Variants in HIVEP2 observed in about 807,000 individuals in gnomAD.
The protein encoded by HIVEP2 is transcription factor HIVEP2.
In HIVEP2, 14 loss-of-function variants were observed where a neutral mutation model predicts 180.7. The ratio of observed to expected loss-of-function variants is 0.08; its 90% CI spans 0.05 to 0.12. HIVEP2 has a LOEUF of 0.12. Among genes scored for constraint, HIVEP2 ranks in the 10% least tolerant of loss-of-function variants. The probability of loss-of-function intolerance (pLI) is 1.00; values close to 1 mark genes in which losing one functional copy is unlikely to be tolerated. For synonymous variants in HIVEP2, 1,184 were observed against 1,136.4 expected, an observed-to-expected ratio of 1.04 and a Z score of -0.84; for missense variants, 2,579 against 3,008.5, an observed-to-expected ratio of 0.86 and a Z score of 3.34.
intron 1 of HIVEP2, among the ~76,000 whole-genome samples, chr6:142,858,784 G>T (rs1582918543): frequency 1.3e-5 from 2 of 151,950 alleles, no homozygotes; most frequent in African/African-American, 4.8e-5. Context: ...AGTAGACACG[G>T]GGTTTCACCA....
intron 1 of HIVEP2, among the ~76,000 whole-genome samples, chr6:142,911,163 T>G (rs1040351546): frequency 3.4e-5 from 4 of 117,018 alleles, no homozygotes; most frequent in African/African-American, 1.4e-4. Flanking sequence ...AAAAAAAACT[T>G]AAAAATAAGC....
chr6:142,890,322 T>C (rs1250896326), intron 1 of HIVEP2, among the ~76,000 whole-genome samples: 1 of 152,222 alleles, frequency 6.6e-6, no homozygotes, highest in Non-Finnish European at 1.5e-5. Flanking sequence ...TCCAAAACTT[T>C]GTATCTTTAC....
At chr6:142,781,671 T>C (rs914172978) in intron 3 of HIVEP2, among the ~76,000 whole-genome samples, 5 of 152,156 alleles carry the variant, frequency 3.3e-5, no homozygotes, top group Non-Finnish European at 7.4e-5. Context: ...GAAAATGATA[T>C]TACAGGGAAG....
intron 1 of HIVEP2, among the ~76,000 whole-genome samples, chr6:142,890,191 A>G (rs1562280438): frequency 6.6e-6 from 1 of 152,214 alleles, no homozygotes; most frequent in Non-Finnish European, 1.5e-5. Flanking sequence ...ATTAGCTCTA[A>G]CACTAGTAGA....
chr6:142,879,411 G>A (rs370205988), intron 1 of HIVEP2, among the ~76,000 whole-genome samples: 24 of 152,098 alleles, frequency 1.6e-4, no homozygotes, highest in Non-Finnish European at 3.1e-4. Flanking sequence ...TGAGCACAGC[G>A]TCAATAATAA....
chr6:142,852,400 T>A (rs1333515187), intron 1 of HIVEP2, among the ~76,000 whole-genome samples: 1 of 152,188 alleles, frequency 6.6e-6, no homozygotes, highest in African/African-American at 2.4e-5. Flanking sequence ...ATGATTCTTG[T>A]CTTCATGGAG....
rs73586514 is a variant in HIVEP2, at chr6:142,765,499, G to C, written c.5343-525C>G. 1.8e-3 allele frequency among the ~76,000 whole-genome samples: 272 copies of C among 152,286 alleles called. 2 individuals are homozygous for C. Among genetic ancestry groups the C allele is most frequent in the African/African-American group, 6.3e-3 (261 of 41,566 alleles). On this transcript the variant is annotated intron_variant, in intron 6 of 9. Transcript: ENST00000367603. ...CTATTTTTACAATCCTGGCACGAGA[G>C]TGCCTCAGAAATTTCTAGTTTACAC... is the stretch of plus-strand genomic sequence containing the variant.
chr6:142,866,347 T>A (rs1214450495), intron 1 of HIVEP2, among the ~76,000 whole-genome samples: 2 of 152,208 alleles, frequency 1.3e-5, no homozygotes, highest in African/African-American at 4.8e-5. Context: ...CAATAGATGT[T>A]AGCTACTAAT....
intron 1 of HIVEP2, among the ~76,000 whole-genome samples, chr6:142,913,132 C>A (rs961449252): frequency 6.6e-6 from 1 of 152,150 alleles, no homozygotes; most frequent in Non-Finnish European, 1.5e-5. Flanking sequence ...TCATGGTGAC[C>A]TATGGGAACC....
At chr6:142,866,588 A>G (rs1369693189) in intron 1 of HIVEP2, among the ~76,000 whole-genome samples, 5 of 152,158 alleles carry the variant, frequency 3.3e-5, no homozygotes, top group Non-Finnish European at 7.4e-5. Context: ...AAGTTTCTAT[A>G]CCATGAGCAT....
At position 142,772,372 on chromosome 6, in the gene HIVEP2, T is replaced by C. The variant is rs201358604; in HGVS notation, c.2367A>G (p.Leu789=). ...SAIDSDKMSD[L]GGRKPPGNVI... ...CATTTCCAGGAGGTTTCCTGCCCCC[T>C]AGGTCTGACATCTTGTCTGAATCAA... is the stretch of plus-strand genomic sequence containing the variant. Residue 789 remains leucine, a synonymous_variant, in exon 5 of 10, where the codon CTA becomes CTG. Transcript: ENST00000367603. The surrounding 1 kb of genome is among the most constrained non-coding windows in gnomAD (Gnocchi z 4.9). The C allele has an allele frequency of 1.3e-4, 203 of 1,614,238 alleles. 1 individual carries two copies. In the African/African-American group the frequency reaches 2.3e-3, roughly 18 times the overall value.
At chr6:142,802,746 G>T (rs1178517550) in intron 2 of HIVEP2, among the ~76,000 whole-genome samples, 1 of 152,050 alleles carries the variant, frequency 6.6e-6, no homozygotes, top group South Asian at 2.1e-4. Context: ...GGAGAGAAGA[G>T]AATCATGAAC....
chr6:142,763,109 T>A (rs1386496705), intron 7 of HIVEP2, among the ~76,000 whole-genome samples: 3 of 152,194 alleles, frequency 2.0e-5, no homozygotes, highest in African/African-American at 7.2e-5. Flanking sequence ...TACATTTTTC[T>A]CTCCATTCCA....
In HIVEP2 at chr6:142,752,988, A is replaced by G. The variant is rs1199472223; in HGVS notation, c.*119T>C. On this transcript the variant is annotated 3_prime_UTR_variant, in exon 10 of 10. Transcript: ENST00000367603. The stretch of plus-strand genomic sequence containing the variant: ...CTTTTGATATAACAAAAGTATATAT[A>G]ATAGCAAACTACTGTAACTTAGGAC... The G allele has an allele frequency of 1.5e-6, 1 of 670,168 alleles. No individual in the cohort carries two copies. Among genetic ancestry groups the G allele is most frequent in the Non-Finnish European group, 2.6e-6 (1 of 378,978 alleles). 41.5% of individuals were successfully genotyped at this position (670,168 alleles called of 1,614,324 possible). A position where few individuals can be genotyped will look rare whatever the true frequency, so the allele number is the denominator to read the frequency against.
At chr6:142,873,103 A>T (rs1776335843) in intron 1 of HIVEP2, among the ~76,000 whole-genome samples, 1 of 152,166 alleles carries the variant, frequency 6.6e-6, no homozygotes, top group African/African-American at 2.4e-5. Flanking sequence ...CAGACACCAC[A>T]CAGCTTTGAC....
At chr6:142,930,957 T>G (rs1029628447) in intron 1 of HIVEP2, among the ~76,000 whole-genome samples, 2 of 152,166 alleles carry the variant, frequency 1.3e-5, no homozygotes, top group African/African-American at 4.8e-5. Context: ...CCATAATGAT[T>G]AAAAGAAAAG....
At chr6:142,914,841 T>C (rs2128431788) in intron 1 of HIVEP2, among the ~76,000 whole-genome samples, 1 of 152,312 alleles carries the variant, frequency 6.6e-6, no homozygotes, top group Non-Finnish European at 1.5e-5. Flanking sequence ...TTTGAATATT[T>C]TTCCAGATGA....
chr6:142,798,979 T>C (rs529036495), intron 2 of HIVEP2, among the ~76,000 whole-genome samples: 20 of 152,274 alleles, frequency 1.3e-4, no homozygotes, highest in African/African-American at 4.3e-4. Flanking sequence ...CAGGCAAACA[T>C]TGCATTTACA....
At chr6:142,810,442 T>C (rs1421120468) in intron 2 of HIVEP2, among the ~76,000 whole-genome samples, 4 of 152,032 alleles carry the variant, frequency 2.6e-5, no homozygotes, top group South Asian at 2.1e-4. Flanking sequence ...ATGGAATACA[T>C]AGATGTCTTG....
Sources: allele counts gnomAD v4.1 joint callset (sites outside exome capture counted in the v4.1 genomes callset), GRCh38; gene constraint gnomAD v4.1.1; non-coding constraint Gnocchi (gnomAD v3.1); transcripts MANE v1.5; gene names NCBI Gene and HGNC (gene_info 2026-07-23, HGNC 2026-07-21).